CTNND2: variants seen among roughly 807,000 people sequenced by gnomAD.
The protein encoded by CTNND2 is catenin delta-2.
Under a neutral mutation model 144.4 loss-of-function variants are expected in CTNND2, and 22 were observed. That is an observed-to-expected ratio of 0.15 (90% CI 0.11 to 0.22). The LOEUF (loss-of-function observed/expected upper bound fraction) is 0.22, where lower values mean the gene tolerates loss of function less well. Among genes scored for constraint, CTNND2 ranks in the 10% least tolerant of loss-of-function variants. The pLI is 1.00. For missense variants in CTNND2, 1,353 were observed against 1,618.8 expected (o/e 0.84, Z 2.82); for synonymous variants, 751 against 695.6 (o/e 1.08, Z -1.25).
At chr5:11,751,220 G>T (rs770717027) in intron 1 of CTNND2, among the ~76,000 whole-genome samples, 2 of 151,762 alleles carry the variant, frequency 1.3e-5, no homozygotes, top group Non-Finnish European at 2.9e-5. Flanking sequence ...TAAAGCAGAA[G>T]AAAAGACAGC....
chr5:11,641,651 C>CGT (rs1435273607), intron 2 of CTNND2, among the ~76,000 whole-genome samples: 44 of 116,994 alleles, frequency 3.8e-4, no homozygotes, highest in East Asian at 3.7e-3. Context: ...TATACATATA[C>CGT]GTGTGTATAT....
At chr5:11,495,008 C>T (rs1010895691) in intron 3 of CTNND2, among the ~76,000 whole-genome samples, 1 of 152,258 alleles carries the variant, frequency 6.6e-6, no homozygotes, top group Admixed American at 6.5e-5. Context: ...ACTTTCTCCT[C>T]ACTGCTTGAC....
At chr5:11,132,241 A>T (rs1755694857) in intron 12 of CTNND2, among the ~76,000 whole-genome samples, 1 of 152,208 alleles carries the variant, frequency 6.6e-6, no homozygotes, top group Non-Finnish European at 1.5e-5. Flanking sequence ...TAGGGAAGAA[A>T]GGGCAGAAGC....
intron 2 of CTNND2, among the ~76,000 whole-genome samples, chr5:11,596,819 T>C (rs1779525389): frequency 6.6e-6 from 1 of 152,218 alleles, no homozygotes; most frequent in South Asian, 2.1e-4. Context: ...CATTCCCCTA[T>C]GTCTAGGACT....
At position 11,384,837 on chromosome 5, in the gene CTNND2, G is replaced by T. The variant is rs540155852; in HGVS notation, c.1005C>A (p.Pro335=). Residue 335 remains proline (P), a synonymous_variant, in exon 7 of 22, where the codon CCC becomes CCA. Transcript: ENST00000304623. This position sits in a 1 kb window ranked among gnomAD's most constrained non-coding sequence, Gnocchi z 5.2. ...AGGAGGAGATGGTGGACTGCACGGT[G>T]GGGGGCGAGGTCACGCGGATCGGGG... is the stretch of plus-strand genomic sequence containing the variant. The part of the protein sequence containing the change: ...GLSPIRVTSP[P]TVQSTISSSP... The T allele has an allele frequency of 1.2e-6, 2 of 1,612,804 alleles. No homozygotes were observed. The highest frequency in any genetic ancestry group is 4.5e-5 in the East Asian group (2 of 44,836).
chr5:11,221,271 A>G (rs2149866058), intron 10 of CTNND2, among the ~76,000 whole-genome samples: 1 of 152,332 alleles, frequency 6.6e-6, no homozygotes, highest in Non-Finnish European at 1.5e-5. Flanking sequence ...ATTTGCATAC[A>G]TTTAAAGTCA....
intron 3 of CTNND2, among the ~76,000 whole-genome samples, chr5:11,518,003 T>C (rs1269650910): frequency 3.9e-5 from 6 of 151,980 alleles, no homozygotes; most frequent in Non-Finnish European, 5.9e-5. Flanking sequence ...AGTGGAAAGG[T>C]GGTTACCGGG....
At chr5:11,673,941 ATGACTAGAT>A (rs1404474557) in intron 2 of CTNND2, among the ~76,000 whole-genome samples, 2 of 152,298 alleles carry the variant, frequency 1.3e-5, no homozygotes, top group African/African-American at 4.8e-5. Flanking sequence ...TATCATAATT[ATGACTAGAT>A]TGACAAGTCC....
Position 11,564,989 on chromosome 5 carries a change from T to C in CTNND2, c.242A>G (p.Glu81Gly), listed in dbSNP as rs761431434. ...AGTCTCGGATCCGAGCTTGCATCGCTCCAGCTGGCTGGCTACGATCTGCCG... is the reference window on the plus strand; with the variant it reads ...AGTCTCGGATCCGAGCTTGCATCGCCCCAGCTGGCTGGCTACGATCTGCCG... ...AERQIVASQLERCKLGSETGS... is the reference protein window; with the variant it reads ...AERQIVASQLGRCKLGSETGS... Residue 81 changes from glutamate to glycine, a missense_variant, in exon 3 of 22, where the codon GAG becomes GGG. By Grantham distance (98) the Glu-to-Gly change is moderately conservative. Coordinates refer to ENST00000304623, the MANE Select transcript of CTNND2 (RefSeq NM_001332.4). The C allele has an allele frequency of 5.6e-6, 9 of 1,613,938 alleles. No individual in the cohort carries two copies. The African/African-American group carries it at 9.3e-5, about 17-fold the overall frequency.
At chr5:11,508,481 T>C (rs574773322) in intron 3 of CTNND2, 24 of 152,258 alleles carry the variant, frequency 1.6e-4, no homozygotes, top group African/African-American at 5.5e-4. Flanking sequence ...TTTCCTTTAA[T>C]GTAGCCCCCA....
chr5:11,054,688 G>A (rs1254777417), intron 16 of CTNND2, among the ~76,000 whole-genome samples: 1 of 152,046 alleles, frequency 6.6e-6, no homozygotes, highest in East Asian at 1.9e-4. Flanking sequence ...TTTTCTCTGC[G>A]AAAGTTGAAG....
intron 1 of CTNND2, among the ~76,000 whole-genome samples, chr5:11,775,898 G>A (rs1408019992): frequency 6.6e-6 from 1 of 152,124 alleles, no homozygotes; most frequent in East Asian, 1.9e-4. Context: ...TATAAGAAGA[G>A]GGGAATCTGG....
intron 3 of CTNND2, among the ~76,000 whole-genome samples, chr5:11,466,983 G>C (rs1158536503): frequency 6.6e-6 from 1 of 152,320 alleles, no homozygotes; most frequent in East Asian, 1.9e-4. Context: ...AGTGTGGGCT[G>C]GACACAGCAA....
At chr5:11,529,289 T>A (rs1334319327) in intron 3 of CTNND2, among the ~76,000 whole-genome samples, 1 of 152,172 alleles carries the variant, frequency 6.6e-6, no homozygotes, top group Non-Finnish European at 1.5e-5. Context: ...ACAGAGATAT[T>A]GTGTTTAGGA....
At chr5:11,296,181 C>T (rs954408801) in intron 9 of CTNND2, among the ~76,000 whole-genome samples, 53 of 151,798 alleles carry the variant, frequency 3.5e-4, no homozygotes, top group South Asian at 4.2e-4. Context: ...AGGATATGAA[C>T]AGACACTTCT....
intron 9 of CTNND2, among the ~76,000 whole-genome samples, chr5:11,286,329 A>G (rs141662484): frequency 2.6e-3 from 393 of 152,328 alleles, no homozygotes; most frequent in Non-Finnish European, 4.0e-3. Flanking sequence ...ATAGTTAATA[A>G]TGGTTTTCAC....
chr5:11,009,753 A>C (rs1197414046), intron 18 of CTNND2, among the ~76,000 whole-genome samples: 4 of 152,208 alleles, frequency 2.6e-5, no homozygotes, highest in Admixed American at 2.0e-4. Context: ...TGACTTGGGG[A>C]TCTATCCCAG....
At chr5:11,798,235 C>G (rs1333639866) in intron 1 of CTNND2, among the ~76,000 whole-genome samples, 1 of 144,790 alleles carries the variant, frequency 6.9e-6, no homozygotes, top group Admixed American at 7.1e-5. Context: ...GCACTCCAGC[C>G]TGGGTGACAG....
chr5:11,727,198 C>T (rs957322902), intron 2 of CTNND2, among the ~76,000 whole-genome samples: 4 of 152,238 alleles, frequency 2.6e-5, no homozygotes, highest in African/African-American at 9.6e-5. Context: ...CCATCAATCT[C>T]ATGCTACCTG....
Sources: gnomAD v4.1 joint callset for allele counts (sites outside exome capture counted in the v4.1 genomes callset) on GRCh38, gnomAD v4.1.1 for gene constraint, Gnocchi (gnomAD v3.1) non-coding constraint, MANE v1.5 for transcripts, NCBI Gene and HGNC (gene_info 2026-07-23, HGNC 2026-07-21) for gene names.